LRIG3: variants seen among roughly 807,000 people sequenced by gnomAD.
LRIG3 encodes the protein leucine-rich repeats and immunoglobulin-like domains protein 3.
LRIG3 carries 76 observed loss-of-function variants against 114.5 expected under a neutral mutation model. That is an observed-to-expected ratio of 0.66 (90% CI 0.55 to 0.80). LRIG3 has a LOEUF of 0.80. Among genes scored for constraint, LRIG3 ranks in the 30% least tolerant of loss-of-function variants. The pLI, the probability that LRIG3 is intolerant of heterozygous loss-of-function variation, is 0.00. For missense variants in LRIG3, 1,239 were observed against 1,382.8 expected (o/e 0.90, Z 1.65); for synonymous variants, 512 against 519.8 (o/e 0.98, Z 0.20).
intron 1 of LRIG3, chr12:58,919,378 C>A: frequency 6.4e-7 from 1 of 1,551,128 alleles, no homozygotes; most frequent in Non-Finnish European, 8.7e-7. Context: ...CCGCCCTTTC[C>A]ATAGCTACCG....
chr12:58,888,022 C>T, intron 7 of LRIG3, 90 bp from the exon 8 acceptor site: 1 of 1,120,306 alleles, frequency 8.9e-7, no homozygotes, highest in Non-Finnish European at 1.3e-6. Flanking sequence ...GTATGAGCTA[C>T]ACTAATCCTT....
At chr12:58,919,569 T>G (rs1872597463) in intron 1 of LRIG3, 1 of 1,543,772 alleles carries the variant, frequency 6.5e-7, no homozygotes, top group Admixed American at 2.0e-5. Flanking sequence ...GGAAAAGGAG[T>G]CTGACGCAGC....
At chr12:58,913,704 A>G (rs529483767) in intron 3 of LRIG3, 1 of 324,054 alleles carries the variant, frequency 3.1e-6, no homozygotes, top group Non-Finnish European at 5.6e-6. Context: ...GATAAAATAC[A>G]CATTTCTATG....
intron 13 of LRIG3, chr12:58,880,376 A>G: frequency 1.4e-6 from 1 of 698,798 alleles, no homozygotes; most frequent in Non-Finnish European, 2.6e-6. Flanking sequence ...CACCACACTG[A>G]GTACGGTGTC....
chr12:58,880,864 T>C lies in LRIG3; in HGVS notation c.1518A>G (p.Glu506=). 1 of 1,613,942 alleles carries C rather than the reference T, an allele frequency of 6.2e-7. No individual in the cohort carries two copies. Among genetic ancestry groups the C allele is most frequent in the South Asian group, 1.1e-5 (1 of 91,078 alleles). ...FPKPQITVQP[E]TQSAIKGSNL... Reference sequence around the variant, plus strand: ...TGGAACCTTTTATTGCCGACTGTGTTTCTGGCTGAACCGTGATCTGGGGTT... The same window carrying C: ...TGGAACCTTTTATTGCCGACTGTGTCTCTGGCTGAACCGTGATCTGGGGTT... Residue 506 remains glutamate (E), a synonymous_variant, in exon 13 of 19, where the codon GAA becomes GAG. Coordinates refer to ENST00000320743, the MANE Select transcript of LRIG3 (RefSeq NM_153377.5).
At chr12:58,907,565 A>G (rs948032162) in intron 3 of LRIG3, among the ~76,000 whole-genome samples, 3 of 152,214 alleles carry the variant, frequency 2.0e-5, no homozygotes, top group African/African-American at 7.2e-5. Context: ...CAAAAGCAGC[A>G]GCTGCTGGCG....
At chr12:58,894,676 A>T (rs1274480442) in intron 3 of LRIG3, among the ~76,000 whole-genome samples, 1 of 152,250 alleles carries the variant, frequency 6.6e-6, no homozygotes, top group Non-Finnish European at 1.5e-5. Flanking sequence ...GCTGTAGTTA[A>T]TTAATATTTT....
chr12:58,880,316 AAAAG>A (rs987880162), intron 13 of LRIG3: 6 of 585,626 alleles, frequency 1.0e-5, no homozygotes, highest in African/African-American at 7.6e-5. Flanking sequence ...AAAAAAAAGA[AAAAG>A]AAAAAAAAAA....
At chr12:58,888,617 AC>A in intron 6 of LRIG3, 145 bp from the exon 7 acceptor site, 1 of 1,264,354 alleles carries the variant, frequency 7.9e-7, no homozygotes, top group South Asian at 1.6e-5. Flanking sequence ...GCAAAAAAAT[AC>A]TATATAGTTT....
At chr12:58,897,818 T>A (rs1871696781) in intron 3 of LRIG3, among the ~76,000 whole-genome samples, 1 of 152,224 alleles carries the variant, frequency 6.6e-6, no homozygotes, top group Non-Finnish European at 1.5e-5. Context: ...TTAGTAAACT[T>A]AAAAATTTTT....
At chr12:58,900,872 A>T (rs1219794996) in intron 3 of LRIG3, among the ~76,000 whole-genome samples, 3 of 152,184 alleles carry the variant, frequency 2.0e-5, no homozygotes, top group African/African-American at 7.2e-5. Context: ...ATGTGGTGAC[A>T]ATTATCACAT....
intron 5 of LRIG3, 61 bp from the exon 6 acceptor site, chr12:58,889,023 A>C: frequency 6.7e-7 from 1 of 1,501,880 alleles, no homozygotes; most frequent in Non-Finnish European, 9.1e-7. Flanking sequence ...GTAGTAATAA[A>C]ATGTGTCATT....
chr12:58,902,004 C>T (rs761036301), intron 3 of LRIG3, among the ~76,000 whole-genome samples: 23 of 152,124 alleles, frequency 1.5e-4, no homozygotes, highest in Non-Finnish European at 5.9e-5. Flanking sequence ...GGGTTATAAC[C>T]AGTTATATAA....
intron 3 of LRIG3, among the ~76,000 whole-genome samples, chr12:58,893,988 C>T (rs1302970171): frequency 1.3e-5 from 2 of 152,150 alleles, no homozygotes; most frequent in Non-Finnish European, 2.9e-5. Context: ...GGCAGGGAGG[C>T]CCACAGGTGT....
intron 18 of LRIG3, among the ~76,000 whole-genome samples, chr12:58,873,395 T>A: frequency 6.6e-6 from 1 of 152,098 alleles, no homozygotes; most frequent in South Asian, 2.1e-4. Context: ...ATTTGAAAAT[T>A]CTCCTTTTTT....
intron 1 of LRIG3, among the ~76,000 whole-genome samples, chr12:58,916,691 T>C (rs1809177554): frequency 6.6e-6 from 1 of 152,220 alleles, no homozygotes; most frequent in Non-Finnish European, 1.5e-5. Flanking sequence ...GTGGGGTTAA[T>C]GAATGGGAAA....
chr12:58,915,324 T>G (rs1177927846), intron 1 of LRIG3, among the ~76,000 whole-genome samples: 1 of 152,220 alleles, frequency 6.6e-6, no homozygotes, highest in Admixed American at 6.5e-5. Flanking sequence ...CCATACTAAT[T>G]TTTTTGGTGT....
intron 2 of LRIG3, 82 bp from the exon 3 acceptor site, chr12:58,914,138 T>G (rs892256710): frequency 3.9e-6 from 6 of 1,522,750 alleles, no homozygotes; most frequent in Non-Finnish European, 5.4e-6. Context: ...TTACATATTA[T>G]TTCAAGATAC....
At chr12:58,896,014 G>T (rs1276429048) in intron 3 of LRIG3, among the ~76,000 whole-genome samples, 3 of 152,180 alleles carry the variant, frequency 2.0e-5, no homozygotes, top group African/African-American at 7.2e-5. Flanking sequence ...CTTCTGATAT[G>T]GGAGGTTTTC....
Sources: gnomAD v4.1 joint callset for allele counts (sites outside exome capture counted in the v4.1 genomes callset) on GRCh38, gnomAD v4.1.1 for gene constraint, MANE v1.5 for transcripts, NCBI Gene and HGNC (gene_info 2026-07-23, HGNC 2026-07-21) for gene names.